The following DCDC2 variants were observed in gnomAD, a reference collection of about 807,000 sequenced individuals.
The protein encoded by DCDC2 is doublecortin domain-containing protein 2.
A neutral mutation model predicts 50.2 loss-of-function variants in DCDC2; 40 were observed. The ratio of observed to expected loss-of-function variants is 0.80; its 90% confidence interval spans 0.62 to 1.04. The LOEUF is 1.04. Among genes scored for constraint, DCDC2 ranks in the 50% least tolerant of loss-of-function variants. The pLI is 0.00. For missense variants in DCDC2, 570 were observed against 581.9 expected, an observed-to-expected ratio of 0.98 and a Z score of 0.21; for synonymous variants, 234 against 210.6, an observed-to-expected ratio of 1.11 and a Z score of -0.96.
rs191539537 is a variant in DCDC2, at chr6:24,351,205, G to A, written c.348+2364C>T. 2.9e-3 allele frequency among the ~76,000 whole-genome samples: 444 copies of A among 152,348 alleles called. 1 individual carries two copies. The highest frequency in any genetic ancestry group is 5.1e-3 in the Non-Finnish European group (346 of 68,044). ...AAAACCTTTCTTTCTGGCAATGAAAGTAGGGGCTGCCTTTGCTTAAAGCAG... is the reference window on the plus strand; with the variant it reads ...AAAACCTTTCTTTCTGGCAATGAAAATAGGGGCTGCCTTTGCTTAAAGCAG... On this transcript the variant is annotated intron_variant, in intron 2 of 9. Transcript: ENST00000378454.
At chr6:24,382,001 A>AAGGC in the DCDC2 span, among the ~76,000 whole-genome samples, 1 of 113,086 alleles carries the variant, frequency 8.8e-6, no homozygotes, top group African/African-American at 3.4e-5. Flanking sequence ...GGAAGGAAGG[A>AAGGC]AGGAAGGAAG....
chr6:24,240,498 C>A (rs1056698126), intron 7 of DCDC2, among the ~76,000 whole-genome samples: 3 of 152,148 alleles, frequency 2.0e-5, no homozygotes, highest in Non-Finnish European at 4.4e-5. Context: ...AGCCATATTG[C>A]TTTTCAAAGC....
At chr6:24,333,180 A>G (rs1759996334) in intron 2 of DCDC2, among the ~76,000 whole-genome samples, 1 of 152,172 alleles carries the variant, frequency 6.6e-6, no homozygotes, top group East Asian at 1.9e-4. Flanking sequence ...TATGCTGTGG[A>G]CAGAAGAAAG....
upstream of DCDC2, among the ~76,000 whole-genome samples, chr6:24,362,284 T>G (rs6922989): frequency 0.016 from 1,612 of 103,206 alleles, 83 homozygotes; most frequent in South Asian, 0.025. Flanking sequence ...ATTGTATGTT[T>G]ATACAATTAT....
At chr6:24,255,357 A>C (rs1314203443) in intron 7 of DCDC2, among the ~76,000 whole-genome samples, 1 of 147,912 alleles carries the variant, frequency 6.8e-6, no homozygotes, top group African/African-American at 2.5e-5. Context: ...GTTTATATCC[A>C]AGTCATAGCA....
intron 7 of DCDC2, among the ~76,000 whole-genome samples, chr6:24,271,077 C>A (rs1763226288): frequency 6.6e-6 from 1 of 151,422 alleles, no homozygotes; most frequent in Non-Finnish European, 1.5e-5. Flanking sequence ...AAAAATTAGC[C>A]TTGTGTGGTG....
chr6:24,302,464 C>A (rs571867568), intron 2 of DCDC2, among the ~76,000 whole-genome samples: 1 of 152,084 alleles, frequency 6.6e-6, no homozygotes, highest in Non-Finnish European at 1.5e-5. Context: ...CATTCCCATG[C>A]ACCTGCTTTC....
rs1760191055 is a variant in DCDC2, at chr6:24,343,070, T to C, written c.348+10499A>G. Among the ~76,000 whole-genome samples the C allele has an allele frequency of 2.2e-5, 3 of 135,848 alleles. No homozygotes were observed. In the South Asian group the frequency reaches 6.7e-4, roughly 30 times the overall value. The allele number at this position is 135,848 out of a possible 152,430, so 89.1% of individuals were successfully genotyped here. ...AATATTCTTTTTTTTTTTTTTTTTT[T>C]GAGACAGAGTCTCTTTCTGTCGCCC... On this transcript the variant is annotated intron_variant, in intron 2 of 9. Transcript: ENST00000378454.
In DCDC2 at chr6:24,220,818, C is replaced by T. The variant is rs1040599911; in HGVS notation, c.923-15716G>A. On this transcript the variant is annotated intron_variant, in intron 7 of 9. Transcript: ENST00000378454. ...GAAAACTTACAATCACGGCAGAAAG[C>T]GAAGGGGAAGCAAGTCACATCTTAC... Among the ~76,000 whole-genome samples, 9 of 69,180 alleles carry T rather than the reference C, an allele frequency of 1.3e-4. No individual in the cohort carries two copies. The South Asian group carries it at 1.3e-3, about 10-fold the overall frequency. The allele number at this position is 69,180 out of a possible 152,430, so 45.4% of individuals were successfully genotyped here.
At chr6:24,203,836 C>CAGACACTTCTCAAAAGA (rs1402026404) in intron 8 of DCDC2, among the ~76,000 whole-genome samples, 23 of 152,230 alleles carry the variant, frequency 1.5e-4, no homozygotes, top group African/African-American at 5.3e-4. Context: ...AGGATATGAG[C>CAGACACTTCTCAAAAGA]AGACACTTCT....
intron 4 of DCDC2, among the ~76,000 whole-genome samples, chr6:24,297,870 G>T (rs1759286526): frequency 6.6e-6 from 1 of 152,134 alleles, no homozygotes; most frequent in Non-Finnish European, 1.5e-5. Context: ...AAAACGTAGT[G>T]ATTATAAAGA....
the DCDC2 span, among the ~76,000 whole-genome samples, chr6:24,371,172 G>A: frequency 6.6e-6 from 1 of 151,032 alleles, no homozygotes; most frequent in Non-Finnish European, 1.5e-5. Flanking sequence ...ACCTACTCAG[G>A]AGGCTGAGGC....
intron 7 of DCDC2, among the ~76,000 whole-genome samples, chr6:24,274,698 GCA>G (rs1383041061): frequency 6.6e-6 from 1 of 150,652 alleles, no homozygotes. Context: ...TAGAAGCATT[GCA>G]CATTCATACA....
At chr6:24,299,016 A>C (rs1759317665) in intron 4 of DCDC2, among the ~76,000 whole-genome samples, 1 of 152,248 alleles carries the variant, frequency 6.6e-6, no homozygotes, top group African/African-American at 2.4e-5. Flanking sequence ...AAATCATTCT[A>C]CCAAAAAGAA....
intron 2 of DCDC2, among the ~76,000 whole-genome samples, chr6:24,315,449 A>G (rs1309468835): frequency 2.0e-5 from 3 of 152,172 alleles, no homozygotes; most frequent in Non-Finnish European, 4.4e-5. Context: ...TAAATCGTCT[A>G]TGTACCTCCT....
intron 6 of DCDC2, among the ~76,000 whole-genome samples, chr6:24,287,243 C>T (rs372177835): frequency 8.5e-5 from 13 of 152,226 alleles, no homozygotes; most frequent in African/African-American, 2.9e-4. Flanking sequence ...ACTCATTGTC[C>T]CGGGGCTCGG....
intron 8 of DCDC2, among the ~76,000 whole-genome samples, chr6:24,181,996 C>G (rs1288454320): frequency 6.6e-6 from 1 of 152,132 alleles, no homozygotes; most frequent in Non-Finnish European, 1.5e-5. Context: ...AACAGAGAGT[C>G]CAGAAATAAA....
At chr6:24,192,252 TCAA>T (rs1489940482) in intron 8 of DCDC2, among the ~76,000 whole-genome samples, 2 of 152,126 alleles carry the variant, frequency 1.3e-5, no homozygotes, top group African/African-American at 4.8e-5. Flanking sequence ...TAGGTTCTTA[TCAA>T]CAAGGCAAAA....
At chr6:24,299,168 G>T (rs1253241172) in intron 4 of DCDC2, among the ~76,000 whole-genome samples, 3 of 152,158 alleles carry the variant, frequency 2.0e-5, no homozygotes, top group Non-Finnish European at 4.4e-5. Flanking sequence ...GGAAAATACT[G>T]AAATCCTGTC....
Sources: allele counts gnomAD v4.1 joint callset (sites outside exome capture counted in the v4.1 genomes callset), GRCh38; gene constraint gnomAD v4.1.1; transcripts MANE v1.5; gene names NCBI Gene and HGNC (gene_info 2026-07-23, HGNC 2026-07-21).